Variants in CA14 observed in about 807,000 individuals in gnomAD.
CA14 encodes the protein CA-XIV.
A neutral mutation model predicts 48.8 loss-of-function variants in CA14; 44 were observed. The ratio of observed to expected loss-of-function variants is 0.90; its 90% CI spans 0.71 to 1.16. The LOEUF is 1.16. CA14 is among the 50% of genes most tolerant of loss of function. The pLI, the probability that CA14 is intolerant of heterozygous loss-of-function variation, is 0.00. For missense variants in CA14, 386 were observed against 401.0 expected, an observed-to-expected ratio of 0.96 and a Z score of 0.32; for synonymous variants, 154 against 155.0, an observed-to-expected ratio of 0.99 and a Z score of 0.05.
chr1:150,262,475 T>C, intron 4 of CA14, 50 bp from the exon 5 acceptor site: 1 of 1,530,796 alleles, frequency 6.5e-7, no homozygotes, highest in Non-Finnish European at 9.1e-7. Flanking sequence ...ATCAAGGCCT[T>C]GAAGGGGGTG....
In CA14 at chr1:150,262,460, C is replaced by G. The variant is rs113568168; in HGVS notation, c.400-65C>G. The stretch of plus-strand genomic sequence containing the variant: ...GGGGACAGCGGGGGGATGGTGGCAG[C>G]TAGGATCAAGGCCTTGAAGGGGGTG... On this transcript the variant is annotated intron_variant, in intron 4 of 10. Transcript: ENST00000369111. 680 of 1,501,572 alleles carry G rather than the reference C, an allele frequency of 4.5e-4. 5 individuals carry two copies. The African/African-American group carries it at 7.9e-3, about 17-fold the overall frequency. The allele number at this position is 1,501,572 out of a possible 1,614,324, so 93.0% of individuals were successfully genotyped here.
At position 150,263,152 on chromosome 1, in the gene CA14, G is replaced by A; in HGVS notation, c.673G>A (p.Val225Met). The change falls in exon 7 of 11, where the codon GTG becomes ATG. Residue 225 changes from valine to methionine, a missense_variant. Transcript: ENST00000369111. ...CACAACTCCCCCTTGCTACCAGAGT[G>A]TGCTCTGGACAGTTTTTTATAGAAG... The part of the protein sequence containing the change: ...SLTTPPCYQS[V>M]LWTVFYRRSQ... 6.2e-7 allele frequency: 1 copy of A among 1,614,102 alleles called. No individual in the cohort carries two copies. The highest frequency in any genetic ancestry group is 8.5e-7 in the Non-Finnish European group (1 of 1,179,980).
Position 150,257,923 on chromosome 1 carries a change from A to G in CA14, c.-206A>G. The G allele has an allele frequency of 2.5e-6, 1 of 394,544 alleles. No homozygotes were observed. The highest frequency in any genetic ancestry group is 4.6e-6 in the Non-Finnish European group (1 of 215,546). The allele number at this position is 394,544 out of a possible 1,614,324, so 24.4% of individuals were successfully genotyped here. Reference sequence around the variant, plus strand: ...AGCAAGAGATTTGTCCTGGGGATCCAGAAACCCATGATACCCTACTGAACA... The same window carrying G: ...AGCAAGAGATTTGTCCTGGGGATCCGGAAACCCATGATACCCTACTGAACA... On this transcript the variant is annotated 5_prime_UTR_variant, in exon 1 of 11. Coordinates refer to ENST00000369111, the MANE Select transcript of CA14 (RefSeq NM_012113.3).
chr1:150,262,157 G>A lies in CA14; in HGVS notation c.257-1G>A, dbSNP rs1348749294. Reference sequence around the variant, plus strand: ...ATCCGAGTTTGCTCTTTTCCTCACAGTGCAACTCTCTCTGCCCTCTACCCT... The same window carrying A: ...ATCCGAGTTTGCTCTTTTCCTCACAATGCAACTCTCTCTGCCCTCTACCCT... On this transcript the variant is annotated splice_acceptor_variant, in intron 3 of 10. Coordinates refer to ENST00000369111, the MANE Select transcript of CA14 (RefSeq NM_012113.3). LOFTEE classifies it high-confidence loss of function. The A allele has an allele frequency of 3.1e-6, 5 of 1,614,054 alleles. No homozygotes were observed. The highest frequency in any genetic ancestry group is 4.2e-6 in the Non-Finnish European group (5 of 1,180,036).
Position 150,261,605 on chromosome 1 carries a change from G to C in CA14, c.223G>C (p.Glu75Gln), listed in dbSNP as rs781966502. 1.2e-6 allele frequency: 2 copies of C among 1,614,080 alleles called. No homozygotes were observed. Among genetic ancestry groups the C allele is most frequent in the South Asian group, 1.1e-5 (1 of 91,074 alleles). The change falls in exon 3 of 11, where the codon GAG (glutamate) becomes CAG (glutamine). Residue 75 changes from glutamate (E) to glutamine (Q), a missense_variant. Transcript: ENST00000369111. ...QPHGYDQPGT[E>Q]PLDLHNNGHT... The stretch of plus-strand genomic sequence containing the variant: ...CCACGGATATGACCAGCCTGGCACC[G>C]AGCCTTTGGACCTGCACAACAATGG...
chr1:150,260,067 A>C (rs1650864337), intron 1 of CA14, 84 bp from the exon 2 acceptor site: 3 of 1,336,154 alleles, frequency 2.2e-6, no homozygotes, highest in Non-Finnish European at 3.2e-6. Flanking sequence ...GGAGCAGTAC[A>C]GAATGCCAGA....
rs1651496986 is a variant in CA14 at position 150,264,612 on chromosome 1, C to T, written c.967C>T (p.Arg323Ter). The T allele has an allele frequency of 1.2e-6, 2 of 1,611,700 alleles. No individual in the cohort carries two copies. Among genetic ancestry groups the T allele is most frequent in the South Asian group, 1.1e-5 (1 of 91,010 alleles). The change falls in exon 11 of 11, where the codon CGA (arginine) becomes TGA (stop). Residue 323 changes from arginine (R) to a stop codon, truncating the protein, a stop_gained. Coordinates refer to ENST00000369111, the MANE Select transcript of CA14 (RefSeq NM_012113.3). LOFTEE classifies it high-confidence loss of function. ...RKIRKKRLEN[R>*]KSVVFTSAQA... is the part of the protein sequence containing the mutation. ...TTCCAGGAAGAAGAGGCTGGAAAAC[C>T]GAAAGAGTGTGGTCTTCACCTCAGC...
Position 150,260,408 on chromosome 1 carries a change from G to A in CA14, c.76+237G>A, listed in dbSNP as rs184591446. 73 of 612,032 alleles carry A rather than the reference G, an allele frequency of 1.2e-4. 1 individual carries two copies. The highest frequency in any genetic ancestry group is 9.1e-4 in the Admixed American group (39 of 42,846). The allele number at this position is 612,032 out of a possible 1,614,324, so 37.9% of individuals were successfully genotyped here. A position where few individuals can be genotyped will look rare whatever the true frequency, so the allele number is the denominator to read the frequency against. On this transcript the variant is annotated intron_variant, in intron 2 of 10. Coordinates refer to ENST00000369111, the MANE Select transcript of CA14 (RefSeq NM_012113.3). ...GCTAGTTAAGTCCTCAGTAAATCGT[G>A]TAGGAGTGAGGGAGCTGGGGTGGAA...
intron 1 of CA14, among the ~76,000 whole-genome samples, chr1:150,259,630 A>C (rs1650825007): frequency 6.6e-6 from 1 of 152,180 alleles, no homozygotes; most frequent in Admixed American, 6.5e-5. Context: ...ATGAGTTTAC[A>C]GCTCAGTGGC....
intron 2 of CA14, chr1:150,261,034 A>C: frequency 6.1e-6 from 1 of 163,518 alleles, no homozygotes; most frequent in Non-Finnish European, 1.3e-5. Flanking sequence ...TGCTGGGATT[A>C]CAGGCATGAG....
At chr1:150,262,121 T>C in intron 3 of CA14, 37 bp from the exon 4 acceptor site, 1 of 1,613,678 alleles carries the variant, frequency 6.2e-7, no homozygotes, top group Non-Finnish European at 8.5e-7. Context: ...TGTATCCACA[T>C]GCCTCCACCA....
rs1436788602 is a variant in CA14, at chr1:150,262,551, T to C, written c.426T>C (p.Asp142=). ...AELHIVHYDS[D]SYDSLSEAAE... ...TCCACATTGTACATTATGACTCTGA[T>C]TCCTATGACAGCTTGAGTGAGGCTG... Residue 142 remains aspartate, a synonymous_variant, in exon 5 of 11, where the codon GAT becomes GAC. Coordinates refer to ENST00000369111, the MANE Select transcript of CA14 (RefSeq NM_012113.3). 2 of 1,613,988 alleles carry C rather than the reference T, an allele frequency of 1.2e-6. No homozygotes were observed. The highest frequency in any genetic ancestry group is 1.7e-6 in the Non-Finnish European group (2 of 1,179,854).
In CA14 at chr1:150,264,584, C is replaced by T; in HGVS notation, c.948-9C>T. 3 of 1,550,538 alleles carry T rather than the reference C, an allele frequency of 1.9e-6. No homozygotes were observed. Among genetic ancestry groups the T allele is most frequent in the Non-Finnish European group, 2.7e-6 (3 of 1,122,300 alleles). ...AGCAGTCATTCTCATGAGCCATTCC[C>T]CTTTCCAGGAAGAAGAGGCTGGAAA... On this transcript the variant is annotated splice_polypyrimidine_tract_variant and intron_variant, in intron 10 of 10. Coordinates refer to ENST00000369111, the MANE Select transcript of CA14 (RefSeq NM_012113.3).
chr1:150,263,360 A>G lies in CA14; in HGVS notation c.782A>G (p.Gln261Arg), dbSNP rs782376644. 12 of 1,614,144 alleles carry G rather than the reference A, an allele frequency of 7.4e-6. No individual in the cohort carries two copies. Among genetic ancestry groups the G allele is most frequent in the Non-Finnish European group, 1.0e-5 (12 of 1,180,066 alleles). ...TEEEPSKLLV[Q>R]NYRALQPLNQ... is the part of the protein sequence containing the mutation. Reference sequence around the variant, plus strand: ...GAGGAGCCCTCTAAGCTTCTGGTACAGAACTACCGAGCCCTTCAGCCTCTC... The same window carrying G: ...GAGGAGCCCTCTAAGCTTCTGGTACGGAACTACCGAGCCCTTCAGCCTCTC... The change falls in exon 8 of 11, where the codon CAG becomes CGG. Residue 261 changes from glutamine to arginine, a missense_variant. Transcript: ENST00000369111.
At chr1:150,259,207 G>A (rs1438446168) in intron 1 of CA14, among the ~76,000 whole-genome samples, 4 of 152,130 alleles carry the variant, frequency 2.6e-5, no homozygotes, top group African/African-American at 9.7e-5. Context: ...ACAAGTTTGA[G>A]GAATTTAAGG....
chr1:150,260,095 G>T, intron 1 of CA14, 56 bp from the exon 2 acceptor site: 1 of 1,590,846 alleles, frequency 6.3e-7, no homozygotes, highest in Non-Finnish European at 8.6e-7. Context: ...GAGTGTGGAG[G>T]CCAGGGTTCT....
chr1:150,262,939 A>T, intron 6 of CA14, 69 bp downstream of exon 6: 1 of 1,577,066 alleles, frequency 6.3e-7, no homozygotes, highest in Non-Finnish European at 8.7e-7. Flanking sequence ...AAGCCTTGGG[A>T]TGAAGCAATT....
intron 1 of CA14, among the ~76,000 whole-genome samples, chr1:150,259,370 C>T (rs868991410): frequency 1.3e-5 from 2 of 152,112 alleles, no homozygotes. Flanking sequence ...TCAGCCTTTG[C>T]GTCAGACAGG....
chr1:150,261,239 G>A (rs1437036430), intron 2 of CA14: 1 of 558,318 alleles, frequency 1.8e-6, no homozygotes, highest in Non-Finnish European at 3.2e-6. Flanking sequence ...AATCATCACT[G>A]CCTCTGGGTA....
Sources: allele counts gnomAD v4.1 joint callset (sites outside exome capture counted in the v4.1 genomes callset), GRCh38; gene constraint gnomAD v4.1.1; transcripts MANE v1.5; gene names NCBI Gene and HGNC (gene_info 2026-07-23, HGNC 2026-07-21).